The following MGAT4D variants were observed in gnomAD, a reference collection of about 807,000 sequenced individuals.
MGAT4D encodes the protein MGAT4 family member D, also known as alpha-1,3-mannosyl-glycoprotein 4-beta-N-acetylglucosaminyltransferase-like protein MGAT4D.
Under a neutral mutation model 15.9 loss-of-function variants are expected in MGAT4D, and 34 were observed. The observed-to-expected ratio is 2.14, with a 90% CI of 1.62 to 2.84. The LOEUF is 2.84. Ranked by LOEUF, MGAT4D falls within the 30% of genes most tolerant of loss-of-function variation. The pLI, the probability that MGAT4D is intolerant of heterozygous loss-of-function variation, is 0.00. For missense variants in MGAT4D, 327 were observed against 140.2 expected (o/e 2.33, Z -6.73); for synonymous variants, 112 against 48.2 (o/e 2.33, Z -5.49).
intron 5 of MGAT4D, among the ~76,000 whole-genome samples, chr4:140,465,489 T>C (rs1417586362): frequency 1.3e-5 from 2 of 152,228 alleles, no homozygotes; most frequent in African/African-American, 4.8e-5. Context: ...CTATGTGTAC[T>C]CTTTAGCATC....
intron 10 of MGAT4D, among the ~76,000 whole-genome samples, chr4:140,444,887 CT>C (rs34468438): frequency 6.2e-5 from 9 of 146,204 alleles, no homozygotes; most frequent in Admixed American, 6.8e-5. Context: ...TATTTTTTGC[CT>C]TTTTTTTTTT....
intron 3 of MGAT4D, among the ~76,000 whole-genome samples, chr4:140,475,476 A>G (rs926364886): frequency 1.3e-5 from 2 of 152,028 alleles, no homozygotes; most frequent in Non-Finnish European, 2.9e-5. Flanking sequence ...TCTTGGCTGT[A>G]CAGGTGCAGC....
intron 5 of MGAT4D, among the ~76,000 whole-genome samples, chr4:140,471,084 G>C (rs1423338406): frequency 1.3e-5 from 2 of 152,018 alleles, no homozygotes; most frequent in Non-Finnish European, 2.9e-5. Flanking sequence ...TAGAGACGGG[G>C]TTTGGCCATG....
At chr4:140,449,455 T>A (rs1730332896) in intron 10 of MGAT4D, among the ~76,000 whole-genome samples, 1 of 152,194 alleles carries the variant, frequency 6.6e-6, no homozygotes, top group African/African-American at 2.4e-5. Context: ...AAAATTTATC[T>A]TACATTTAAA....
chr4:140,445,441 C>T (rs1039611516), intron 10 of MGAT4D, among the ~76,000 whole-genome samples: 2 of 151,988 alleles, frequency 1.3e-5, no homozygotes, highest in Non-Finnish European at 1.5e-5. Context: ...TTATCAAATA[C>T]ATAGTTTTTA....
intron 8 of MGAT4D, chr4:140,457,272 G>A (rs1401802377): frequency 6.6e-6 from 1 of 151,028 alleles, no homozygotes; most frequent in Non-Finnish European, 1.5e-5. Context: ...CTTATATACT[G>A]CATCTTTAAT....
At chr4:140,456,346 C>A (rs868562214) in intron 9 of MGAT4D, among the ~76,000 whole-genome samples, 5 of 151,848 alleles carry the variant, frequency 3.3e-5, no homozygotes, top group Admixed American at 6.6e-5. Flanking sequence ...TTTGAATTTA[C>A]GTCTATCATT....
intron 5 of MGAT4D, among the ~76,000 whole-genome samples, chr4:140,470,892 T>C (rs993406419): frequency 2.6e-5 from 4 of 151,540 alleles, no homozygotes; most frequent in Non-Finnish European, 5.9e-5. Flanking sequence ...TTATAATTTT[T>C]TTTTTTTTTT....
At chr4:140,487,083 GA>G (rs1447108295) in intron 1 of MGAT4D, among the ~76,000 whole-genome samples, 1 of 152,144 alleles carries the variant, frequency 6.6e-6, no homozygotes, top group African/African-American at 2.4e-5. Context: ...CAATCATAAA[GA>G]AATGTTAAAG....
intron 6 of MGAT4D, among the ~76,000 whole-genome samples, chr4:140,463,908 T>C (rs1210426147): frequency 6.6e-6 from 1 of 152,120 alleles, no homozygotes; most frequent in Admixed American, 6.5e-5. Context: ...GAATGAATTG[T>C]AAGAGAGGCT....
At chr4:140,474,757 G>A in intron 4 of MGAT4D, 56 bp downstream of exon 4, 1 of 510,876 alleles carries the variant, frequency 2.0e-6, no homozygotes, top group South Asian at 3.1e-5. Flanking sequence ...ATTGAGGAAG[G>A]GAATTTGGAG....
At position 140,456,595 on chromosome 4, in the gene MGAT4D, T is replaced by G. The variant is rs901226287; in HGVS notation, c.1002A>C (p.Glu334Asp). 7.5e-6 allele frequency: 5 copies of G among 664,940 alleles called. No homozygotes were observed. The highest frequency in any genetic ancestry group is 5.4e-5 in the African/African-American group (3 of 55,736). The allele number at this position is 664,940 out of a possible 1,614,324, so 41.2% of individuals were successfully genotyped here. ...TCATAAAGTAAATACTCACAAGATCTTCTCCTGCGTCACACACCTTTACCT... is the reference window on the plus strand; with the variant it reads ...TCATAAAGTAAATACTCACAAGATCGTCTCCTGCGTCACACACCTTTACCT... ...IFQVKVCDAGEDLRNCMKRKK... is the reference protein window; with the variant it reads ...IFQVKVCDAGDDLRNCMKRKK... Residue 334 changes from glutamate to aspartate, a missense_variant, in exon 9 of 11, where the codon GAA becomes GAC. By Grantham distance (45) the Glu-to-Asp change is conservative. Coordinates refer to ENST00000511113, the MANE Select transcript of MGAT4D (RefSeq NM_001277353.2).
intron 10 of MGAT4D, among the ~76,000 whole-genome samples, chr4:140,448,562 A>AT (rs1320094017): frequency 6.6e-6 from 1 of 152,018 alleles, no homozygotes; most frequent in Non-Finnish European, 1.5e-5. Flanking sequence ...CAGTTAGATT[A>AT]TTTTTTATAC....
At position 140,443,444 on chromosome 4, in the gene MGAT4D, T is replaced by C. The variant is rs1233392751; in HGVS notation, c.1117A>G (p.Lys373Glu). 3 of 546,110 alleles carry C rather than the reference T, an allele frequency of 5.5e-6. No homozygotes were observed. Among genetic ancestry groups the C allele is most frequent in the South Asian group, 4.4e-5 (2 of 45,560 alleles). The allele number at this position is 546,110 out of a possible 1,614,324, so 33.8% of individuals were successfully genotyped here. Reference protein sequence around the residue: ...SFPRKEQYEKKI With the variant: ...SFPRKEQYEKEI ...TTTCTTCTTATTTATCTTCATATTT[T>C]CTGAAATGAAAACAAAAAATGTAAC... The change falls in exon 11 of 11, where the codon AAA (lysine) becomes GAA (glutamate). Residue 373 changes from lysine (K) to glutamate (E), a missense_variant and splice_region_variant. By Grantham distance (56) the Lys-to-Glu change is moderately conservative (BLOSUM62 1). Transcript: ENST00000511113.
intron 10 of MGAT4D, among the ~76,000 whole-genome samples, chr4:140,445,432 T>A (rs890795350): frequency 1.3e-5 from 2 of 152,188 alleles, no homozygotes; most frequent in African/African-American, 4.8e-5. Context: ...ATTAGACTTT[T>A]ATCAAATACA....
At chr4:140,464,617 A>G (rs1202303496) in intron 6 of MGAT4D, among the ~76,000 whole-genome samples, 3 of 152,194 alleles carry the variant, frequency 2.0e-5, no homozygotes, top group Non-Finnish European at 4.4e-5. Flanking sequence ...TGTGCTGGTA[A>G]ATGTTTAACA....
chr4:140,489,164 A>G (rs1733345814), intron 1 of MGAT4D, among the ~76,000 whole-genome samples: 1 of 152,174 alleles, frequency 6.6e-6, no homozygotes, highest in African/African-American at 2.4e-5. Context: ...AGGTCACTTT[A>G]AATTTATTAT....
At chr4:140,459,972 A>C (rs965255315) in intron 7 of MGAT4D, among the ~76,000 whole-genome samples, 11 of 152,128 alleles carry the variant, frequency 7.2e-5, no homozygotes, top group Admixed American at 7.2e-4. Flanking sequence ...GGCTCAAGCG[A>C]TCCTCCTGCC....
chr4:140,461,918 C>A lies in MGAT4D; in HGVS notation c.762+11G>T, dbSNP rs1560774506. The A allele has an allele frequency of 5.8e-6, 4 of 692,132 alleles. No individual in the cohort carries two copies. Among genetic ancestry groups the A allele is most frequent in the South Asian group, 1.5e-5 (1 of 65,978 alleles). 42.9% of individuals were successfully genotyped at this position (692,132 alleles called of 1,614,324 possible). On this transcript the variant is annotated intron_variant, in intron 7 of 10. Transcript: ENST00000511113. The stretch of plus-strand genomic sequence containing the variant: ...ACACACACACACACACACACACACA[C>A]AATTTCTGACCTGTAAATAATACTT...
Sources: allele counts gnomAD v4.1 joint callset (sites outside exome capture counted in the v4.1 genomes callset), GRCh38; gene constraint gnomAD v4.1.1; transcripts MANE v1.5; gene names NCBI Gene and HGNC (gene_info 2026-07-23, HGNC 2026-07-21).